ZNF208: variants seen among roughly 807,000 people sequenced by gnomAD.
ZNF208 encodes zinc finger protein 95.
A neutral mutation model predicts 12.1 loss-of-function variants in ZNF208; 10 were observed. That is an observed-to-expected ratio of 0.83 (90% CI 0.51 to 1.40). The LOEUF (loss-of-function observed/expected upper bound fraction) is 1.40. ZNF208 is among the 40% of genes most tolerant of loss of function. ZNF208 has a pLI of 0.00. For synonymous variants in ZNF208, 497 were observed against 488.4 expected (o/e 1.02, Z -0.23); for missense variants, 1,652 against 1,485.0 (o/e 1.11, Z -1.85).
chr19:21,966,069 C>T (rs1271076631), downstream of ZNF208: 1 of 151,430 alleles, frequency 6.6e-6, no homozygotes, highest in African/African-American at 2.4e-5. Flanking sequence ...ACTATTAACC[C>T]AGCACTGGAA....
chr19:22,008,477 ACT>A (rs1971089049), intron 1 of ZNF208, among the ~76,000 whole-genome samples: 1 of 150,790 alleles, frequency 6.6e-6, no homozygotes, highest in Non-Finnish European at 1.5e-5. Flanking sequence ...CTCTCAGGAG[ACT>A]CTGAACTATG....
chr19:21,983,166 A>AG (rs1270985199), intron 3 of ZNF208, among the ~76,000 whole-genome samples: 1 of 98,800 alleles, frequency 1.0e-5, no homozygotes, highest in Admixed American at 1.1e-4. Flanking sequence ...CAAATTTACA[A>AG]GAAAAAAAAA....
chr19:22,000,208 C>T (rs572534946), intron 1 of ZNF208, among the ~76,000 whole-genome samples: 1 of 152,130 alleles, frequency 6.6e-6, no homozygotes, highest in Non-Finnish European at 1.5e-5. Context: ...ACCAAACAGT[C>T]CTAATAGACA....
intron 4 of ZNF208, among the ~76,000 whole-genome samples, chr19:21,950,935 A>AACCT (rs1969878873): frequency 1.3e-5 from 2 of 152,208 alleles, no homozygotes; most frequent in South Asian, 4.1e-4. Flanking sequence ...GTCTATAAAA[A>AACCT]ACCTCTAATT....
intron 1 of ZNF208, among the ~76,000 whole-genome samples, chr19:22,000,114 G>A (rs1429592843): frequency 6.6e-6 from 1 of 152,084 alleles, no homozygotes; most frequent in Middle Eastern, 3.2e-3. Flanking sequence ...AGTAATAATC[G>A]GAGACTACAT....
At chr19:21,983,673 TAA>T (rs1032159097) in intron 3 of ZNF208, among the ~76,000 whole-genome samples, 1 of 150,628 alleles carries the variant, frequency 6.6e-6, no homozygotes, top group Non-Finnish European at 1.5e-5. Flanking sequence ...TAGGCAGCCA[TAA>T]AAAAAAATGA....
At chr19:21,977,765 C>T (rs545567982) in intron 3 of ZNF208, among the ~76,000 whole-genome samples, 1 of 152,282 alleles carries the variant, frequency 6.6e-6, no homozygotes, top group South Asian at 2.1e-4. Context: ...GGGCTGAAGC[C>T]AGGGAGCAAA....
rs183168404 is a variant in ZNF208, at chr19:21,972,658, A to G, written c.2376T>C (p.Leu792=). 613 of 1,613,080 alleles carry G rather than the reference A, an allele frequency of 3.8e-4. 3 individuals carry two copies. The highest frequency in any genetic ancestry group is 9.9e-4 in the Admixed American group (59 of 59,892). ...CGKAFNRSAI[L]IKHKRIHTDE... is the part of the protein sequence containing the mutation. ...CAGTATGAATTCTCTTATGTTTAAT[A>G]AGGATTGCAGATCGGTTAAAAGCTT... The change falls in exon 4 of 4, where the codon CTT becomes CTC. Residue 792 remains leucine (L), a synonymous_variant. Coordinates refer to ENST00000397126, the MANE Select transcript of ZNF208 (RefSeq NM_007153.3).
At chr19:21,980,136 T>G (rs546803091) in intron 3 of ZNF208, among the ~76,000 whole-genome samples, 1 of 152,138 alleles carries the variant, frequency 6.6e-6, no homozygotes, top group African/African-American at 2.4e-5. Flanking sequence ...TGGGAGACTT[T>G]AATATCCCAG....
rs1970270702 is a variant in ZNF208, at chr19:21,971,093, C to T, written c.*98G>A. ...TGAGGACCAGTTGAAAGCCTCACCA[C>T]ATTCTTCACATTTGTAGGGTTTCTC... On this transcript the variant is annotated 3_prime_UTR_variant, in exon 4 of 4. Transcript: ENST00000397126. 1.2e-6 allele frequency: 2 copies of T among 1,613,252 alleles called. No homozygotes were observed. The highest frequency in any genetic ancestry group is 1.7e-6 in the Non-Finnish European group (2 of 1,179,638).
At chr19:22,008,643 G>A (rs1347682511) in intron 1 of ZNF208, among the ~76,000 whole-genome samples, 4 of 151,838 alleles carry the variant, frequency 2.6e-5, no homozygotes, top group African/African-American at 9.7e-5. Flanking sequence ...GAGAATCCAG[G>A]GGCAAAAATT....
At chr19:21,963,980 AAG>A (rs1311876191), downstream of ZNF208, among the ~76,000 whole-genome samples, 2 of 151,954 alleles carry the variant, frequency 1.3e-5, no homozygotes, top group African/African-American at 2.4e-5. Flanking sequence ...CAAAATAACT[AAG>A]AGTAAATTTC....
intron 2 of ZNF208, 149 bp from the exon 3 acceptor site, chr19:21,987,460 G>A (rs1246816449): frequency 2.2e-6 from 2 of 906,940 alleles, no homozygotes; most frequent in African/African-American, 3.8e-5. Context: ...AAAGGCTTAT[G>A]GGGTGCCTGT....
At chr19:21,949,922 C>T (rs1969865436) in intron 4 of ZNF208, among the ~76,000 whole-genome samples, 1 of 152,164 alleles carries the variant, frequency 6.6e-6, no homozygotes, top group Non-Finnish European at 1.5e-5. Flanking sequence ...AAAACCACTT[C>T]CTGAAATATC....
intron 4 of ZNF208, among the ~76,000 whole-genome samples, chr19:21,948,888 G>A (rs1433042749): frequency 1.3e-5 from 2 of 152,112 alleles, no homozygotes; most frequent in Non-Finnish European, 2.9e-5. Flanking sequence ...TTCCCAATGA[G>A]AATAAAAACA....
intron 4 of ZNF208, among the ~76,000 whole-genome samples, chr19:21,954,197 G>T (rs1400410091): frequency 6.6e-6 from 1 of 152,204 alleles, no homozygotes; most frequent in African/African-American, 2.4e-5. Flanking sequence ...TGGTCTGAGA[G>T]ATAGTTTGTT....
At chr19:21,948,722 GGAGA>G (rs1244289512) in intron 4 of ZNF208, among the ~76,000 whole-genome samples, 16 of 152,236 alleles carry the variant, frequency 1.1e-4, no homozygotes, top group African/African-American at 3.4e-4. Flanking sequence ...AATGTTACAT[GGAGA>G]GATGCTATGC....
intron 1 of ZNF208, among the ~76,000 whole-genome samples, chr19:21,997,434 G>C (rs570024167): frequency 2.0e-5 from 3 of 152,226 alleles, no homozygotes; most frequent in African/African-American, 7.2e-5. Flanking sequence ...GTTGATTCGG[G>C]TGCTATCTTT....
chr19:21,974,072 G>T lies in ZNF208; in HGVS notation c.962C>A (p.Ala321Asp). Residue 321 changes from alanine (A) to aspartate (D), a missense_variant, in exon 4 of 4, where the codon GCC (alanine) becomes GAC (aspartate). This residue lies in a region of ZNF208 where 410 missense variants were observed against 378.2 expected (regional missense o/e 1.08). Coordinates refer to ENST00000397126, the MANE Select transcript of ZNF208 (RefSeq NM_007153.3). Reference sequence around the variant, plus strand: ...AATAAGGGTTGAGACCTTACTGAAGGCTTTGCCACATTCTTTACATTTGTA... The same window carrying T: ...AATAAGGGTTGAGACCTTACTGAAGTCTTTGCCACATTCTTTACATTTGTA... ...KPYKCKECGK[A>D]FSKVSTLITH... 2 of 1,492,792 alleles carry T rather than the reference G, an allele frequency of 1.3e-6. No homozygotes were observed. 92.5% of individuals were successfully genotyped at this position (1,492,792 alleles called of 1,614,324 possible).
Sources: allele counts gnomAD v4.1 joint callset (sites outside exome capture counted in the v4.1 genomes callset), GRCh38; gene constraint gnomAD v4.1.1; regional missense constraint gnomAD v4.1.1; transcripts MANE v1.5; gene names NCBI Gene and HGNC (gene_info 2026-07-23, HGNC 2026-07-21).